The following STING1 variants were observed in gnomAD, a reference collection of about 807,000 sequenced individuals.
STING1 encodes the protein stimulator of interferon response cGAMP interactor 1, also known as stimulator of interferon genes protein.
Under a neutral mutation model 31.6 loss-of-function variants are expected in STING1, and 19 were observed. That is an observed-to-expected ratio of 0.60 (90% CI 0.42 to 0.88). The LOEUF is 0.88. Ranked by LOEUF, STING1 falls within the 40% of genes least tolerant of loss-of-function variation. The probability of loss-of-function intolerance (pLI) is 0.00; values close to 1 mark genes in which losing one functional copy is unlikely to be tolerated. For synonymous variants in STING1, 200 were observed against 208.6 expected (o/e 0.96, Z 0.35); for missense variants, 371 against 483.7 (o/e 0.77, Z 2.19).
At chr5:139,480,056 C>T (rs1214963936) in intron 5 of STING1, among the ~76,000 whole-genome samples, 1 of 150,546 alleles carries the variant, frequency 6.6e-6, no homozygotes, top group Non-Finnish European at 1.5e-5. Flanking sequence ...GTGGCTCCTG[C>T]TTGTTATCTC....
At position 139,478,186 on chromosome 5, in the gene STING1, G is replaced by A. The variant is rs1251708726; in HGVS notation, c.759+84C>T. The A allele has an allele frequency of 4.7e-6, 5 of 1,069,970 alleles. No homozygotes were observed. In the East Asian group the frequency reaches 1.2e-4, roughly 25 times the overall value. 66.3% of individuals were successfully genotyped at this position (1,069,970 alleles called of 1,614,324 possible). A position where few individuals can be genotyped will look rare whatever the true frequency, so the allele number is the denominator to read the frequency against. ...ACACTACAGCTCAGAGAAGGGCAGT[G>A]AATTTTCATCAGTGCTTGGCTAGGG... On this transcript the variant is annotated intron_variant, in intron 6 of 7. Coordinates refer to ENST00000330794, the MANE Select transcript of STING1 (RefSeq NM_198282.4).
In STING1 at chr5:139,480,560, G is replaced by T. The variant is rs558083121; in HGVS notation, c.520+230C>A. On this transcript the variant is annotated intron_variant, in intron 5 of 7. Coordinates refer to ENST00000330794, the MANE Select transcript of STING1 (RefSeq NM_198282.4). ...ATTCCTTCTCAAAAAGAAAAAAAAA[G>T]AATTCACAAGTGACCTTGGGCAAGT... 9.2e-5 allele frequency among the ~76,000 whole-genome samples: 14 copies of T among 152,192 alleles called. No homozygotes were observed. In the South Asian group the frequency reaches 2.9e-3, roughly 32 times the overall value.
At chr5:139,476,493 T>C (rs1751665466) in intron 7 of STING1, 39 bp from the exon 8 acceptor site, 1 of 1,585,682 alleles carries the variant, frequency 6.3e-7, no homozygotes. Context: ...ATGAGGATCT[T>C]ACCCATTCCC....
In STING1 at chr5:139,480,906, C is replaced by T. The variant is rs2152094253; in HGVS notation, c.412-8G>A. On this transcript the variant is annotated splice_polypyrimidine_tract_variant and splice_region_variant and intron_variant, in intron 4 of 7. Coordinates refer to ENST00000330794, the MANE Select transcript of STING1 (RefSeq NM_198282.4). ...CTCAGCTGGGGCCAGGCCCTGTGGACAGCAGGATGTGGCTGGGGGGCCTCC... is the reference window on the plus strand; with the variant it reads ...CTCAGCTGGGGCCAGGCCCTGTGGATAGCAGGATGTGGCTGGGGGGCCTCC... 6.2e-7 allele frequency: 1 copy of T among 1,608,710 alleles called. No individual in the cohort carries two copies.
In STING1 at chr5:139,481,660, A is replaced by G. The variant is rs775975604; in HGVS notation, c.45T>C (p.Gly15=). Residue 15 remains glycine (G), a synonymous_variant, in exon 3 of 8, where the codon GGT becomes GGC. Transcript: ENST00000330794. The surrounding 1 kb of genome is among the most constrained non-coding windows in gnomAD (Gnocchi z 4.1). ...SLHPSIPCPR[G]HGAQKAALVL... is the part of the protein sequence containing the mutation. ...CCAAGGCTGCCTTCTGGGCCCCGTGACCCCTGGGACACGGGATGGATGGAT... is the reference window on the plus strand; with the variant it reads ...CCAAGGCTGCCTTCTGGGCCCCGTGGCCCCTGGGACACGGGATGGATGGAT... 1.2e-6 allele frequency: 2 copies of G among 1,610,108 alleles called. No individual in the cohort carries two copies. Among genetic ancestry groups the G allele is most frequent in the South Asian group, 2.2e-5 (2 of 91,000 alleles).
In STING1 at chr5:139,481,535, C is replaced by A. The variant is rs931914513; in HGVS notation, c.170G>T (p.Gly57Val). ...GCTGCAGACCCCGTTTAACAGCAGT[C>A]CCAGCTGCAGGGAGGCTAGGTGGAG... ...LVLHLASLQL[G>V]LLLNGVCSLA... The change falls in exon 3 of 8, where the codon GGA becomes GTA. Residue 57 changes from glycine (G) to valine (V), a missense_variant. Gly to Val is a moderately radical substitution (Grantham distance 109). Transcript: ENST00000330794. The surrounding 1 kb of genome is among the most constrained non-coding windows in gnomAD (Gnocchi z 4.1). 2.5e-6 allele frequency: 4 copies of A among 1,613,880 alleles called. No homozygotes were observed. Among genetic ancestry groups the A allele is most frequent in the Non-Finnish European group, 3.4e-6 (4 of 1,180,018 alleles).
At chr5:139,476,488 G>A in intron 7 of STING1, 34 bp from the exon 8 acceptor site, 2 of 1,593,756 alleles carry the variant, frequency 1.3e-6, no homozygotes, top group Non-Finnish European at 1.7e-6. Flanking sequence ...GAGTAATGAG[G>A]ATCTTACCCA....
intron 5 of STING1, among the ~76,000 whole-genome samples, chr5:139,479,663 C>T (rs1751776340): frequency 6.7e-6 from 1 of 149,100 alleles, no homozygotes; most frequent in Non-Finnish European, 1.5e-5. Context: ...GATTGTGCCA[C>T]TCTACTTCAG....
rs1393425615 is a variant in STING1, at chr5:139,476,426, C to T, written c.975G>A (p.Leu325=). The T allele has an allele frequency of 5.0e-6, 8 of 1,612,240 alleles. No individual in the cohort carries two copies. Among genetic ancestry groups the T allele is most frequent in the South Asian group, 2.2e-5 (2 of 90,990 alleles). ...GCAGGTGCCGGAGAACCTCCTGGGACAGCGAGAAGCTGCTGTCATCTGCAG... is the reference window on the plus strand; with the variant it reads ...GCAGGTGCCGGAGAACCTCCTGGGATAGCGAGAAGCTGCTGTCATCTGCAG... ...QEPADDSSFS[L]SQEVLRHLRQ... The change falls in exon 8 of 8, where the codon CTG becomes CTA. Residue 325 remains leucine, a synonymous_variant. Coordinates refer to ENST00000330794, the MANE Select transcript of STING1 (RefSeq NM_198282.4).
At chr5:139,479,368 A>C (rs1394683684) in intron 5 of STING1, among the ~76,000 whole-genome samples, 1 of 151,548 alleles carries the variant, frequency 6.6e-6, no homozygotes. Flanking sequence ...TCTCTAAGCT[A>C]TGTGATATCG....
chr5:139,479,289 G>A (rs1751761989), intron 5 of STING1: 1 of 151,302 alleles, frequency 6.6e-6, no homozygotes, highest in Non-Finnish European at 1.5e-5. Flanking sequence ...AACAAACACA[G>A]GCTCCACGGT....
At position 139,481,709 on chromosome 5, in the gene STING1, G is replaced by T; in HGVS notation, c.1-5C>A. On this transcript the variant is annotated splice_region_variant and splice_polypyrimidine_tract_variant and intron_variant, in intron 2 of 7. Coordinates refer to ENST00000330794, the MANE Select transcript of STING1 (RefSeq NM_198282.4). This position sits in a 1 kb window ranked among gnomAD's most constrained non-coding sequence, Gnocchi z 4.1. ...ATGCAGGCTGGAGTGGGGCATCTGT[G>T]GGCACCAAGAAATCCATGACCATTC... is the stretch of plus-strand genomic sequence containing the variant. The T allele has an allele frequency of 6.3e-7, 1 of 1,593,572 alleles. No individual in the cohort carries two copies. The highest frequency in any genetic ancestry group is 1.1e-5 in the South Asian group (1 of 90,512).
intron 5 of STING1, 143 bp downstream of exon 5, chr5:139,480,647 C>T: frequency 9.4e-6 from 6 of 635,150 alleles, no homozygotes; most frequent in Non-Finnish European, 1.7e-5. Context: ...CAACATCCTT[C>T]ATGCCTTGGG....
intron 5 of STING1, among the ~76,000 whole-genome samples, chr5:139,479,963 TA>T (rs1470679609): frequency 2.2e-5 from 3 of 137,238 alleles, no homozygotes; most frequent in African/African-American, 8.1e-5. Flanking sequence ...GAGATTGTGC[TA>T]CTGCACTCCA....
rs1426349581 is a variant in STING1, at chr5:139,481,204, G to A, written c.366C>T (p.Ala122=). The part of the protein sequence containing the change: ...AVGPPFTWML[A]LLGLSQALNI... ...TCAGTGCCTGCGAGAGGCCCAGGAGGGCAAGCATCCAAGTGAAGGGCGGGC... is the reference window on the plus strand; with the variant it reads ...TCAGTGCCTGCGAGAGGCCCAGGAGAGCAAGCATCCAAGTGAAGGGCGGGC... The change falls in exon 4 of 8, where the codon GCC becomes GCT. Residue 122 remains alanine, a synonymous_variant. Coordinates refer to ENST00000330794, the MANE Select transcript of STING1 (RefSeq NM_198282.4). This position sits in a 1 kb window ranked among gnomAD's most constrained non-coding sequence, Gnocchi z 4.1. 7 of 1,614,206 alleles carry A rather than the reference G, an allele frequency of 4.3e-6. No individual in the cohort carries two copies. The highest frequency in any genetic ancestry group is 3.3e-5 in the South Asian group (3 of 91,084).
chr5:139,480,154 A>T (rs1751794287), intron 5 of STING1, among the ~76,000 whole-genome samples: 1 of 152,140 alleles, frequency 6.6e-6, no homozygotes, highest in Non-Finnish European at 1.5e-5. Context: ...TCTTCTTTTT[A>T]AAAAATATAT....
Position 139,481,143 on chromosome 5 carries a change from TC to T in STING1, c.411+15del. The T allele has an allele frequency of 6.2e-7, 1 of 1,612,420 alleles. No individual in the cohort carries two copies. Among genetic ancestry groups the T allele is most frequent in the South Asian group, 1.1e-5 (1 of 91,004 alleles). On this transcript the variant is annotated intron_variant, in intron 4 of 7. Transcript: ENST00000330794. The surrounding 1 kb of genome is among the most constrained non-coding windows in gnomAD (Gnocchi z 4.1). ...CCACCACTTGGCCAGAGCTTCTACC[TC>T]CCCCTGTGTCATACCTTGAGGCCCA...
chr5:139,477,169 G>C (rs1166300345), intron 7 of STING1, among the ~76,000 whole-genome samples, 160 bp downstream of exon 7: 1 of 152,146 alleles, frequency 6.6e-6, no homozygotes, highest in Non-Finnish European at 1.5e-5. Flanking sequence ...GACCTAAAAA[G>C]CAATCTGGTG....
intron 7 of STING1, among the ~76,000 whole-genome samples, chr5:139,476,815 G>C (rs373783307): frequency 1.3e-5 from 2 of 149,834 alleles, no homozygotes; most frequent in East Asian, 4.0e-4. Context: ...TGAGGCAGGA[G>C]AATCGCTTGG....
Sources: gnomAD v4.1 joint callset for allele counts (sites outside exome capture counted in the v4.1 genomes callset) on GRCh38, gnomAD v4.1.1 for gene constraint, Gnocchi (gnomAD v3.1) non-coding constraint, MANE v1.5 for transcripts, NCBI Gene and HGNC (gene_info 2026-07-23, HGNC 2026-07-21) for gene names.